The following KIT variants were observed in gnomAD, a reference collection of about 807,000 sequenced individuals.
KIT encodes the protein KIT proto-oncogene, receptor tyrosine kinase, also known as mast/stem cell growth factor receptor Kit.
KIT carries 16 observed loss-of-function variants against 105.7 expected under a neutral mutation model. That is an observed-to-expected ratio of 0.15 (90% CI 0.10 to 0.23). The LOEUF is 0.23. KIT is among the 10% of genes least tolerant of loss of function. KIT has a pLI of 1.00. For missense variants in KIT, 858 were observed against 1,213.8 expected (o/e 0.71, Z 4.36); for synonymous variants, 438 against 441.1 (o/e 0.99, Z 0.09).
intron 8 of KIT, 65 bp from the exon 9 acceptor site, chr4:54,725,792 C>T (rs2109767332): frequency 1.4e-6 from 2 of 1,406,398 alleles, no homozygotes; most frequent in East Asian, 2.4e-5. Flanking sequence ...TGCCACATCC[C>T]AAGTGTTTTA....
At chr4:54,698,926 T>G (rs1236713776) in intron 3 of KIT, among the ~76,000 whole-genome samples, 2 of 152,262 alleles carry the variant, frequency 1.3e-5, no homozygotes, top group Non-Finnish European at 2.9e-5. Context: ...TGATTCATTC[T>G]TTGATTTACT....
intron 1 of KIT, among the ~76,000 whole-genome samples, chr4:54,669,447 G>A (rs1717950386): frequency 6.6e-6 from 1 of 152,244 alleles, no homozygotes; most frequent in Non-Finnish European, 1.5e-5. Flanking sequence ...CGCCATACTG[G>A]CCACTGGGAA....
intron 1 of KIT, among the ~76,000 whole-genome samples, chr4:54,664,766 C>T (rs1394525859): frequency 6.6e-6 from 1 of 151,852 alleles, no homozygotes; most frequent in African/African-American, 2.4e-5. Flanking sequence ...TGCCACCACA[C>T]CGGCTAATTT....
intron 4 of KIT, among the ~76,000 whole-genome samples, chr4:54,702,672 C>A (rs1456312171): frequency 6.6e-6 from 1 of 152,050 alleles, no homozygotes; most frequent in African/African-American, 2.4e-5. Flanking sequence ...TGAGTTTTTA[C>A]CACAACCAAC....
intron 15 of KIT, 42 bp downstream of exon 15, chr4:54,731,461 A>G (rs779279594): frequency 5.5e-6 from 7 of 1,263,646 alleles, no homozygotes; most frequent in Non-Finnish European, 2.3e-6. Flanking sequence ...AACTTTACAG[A>G]GAGTATGTAT....
Position 54,695,590 on chromosome 4 carries a change from G to C in KIT, c.146G>C (p.Arg49Pro), listed in dbSNP as rs376469897. The change falls in exon 2 of 21, where the codon CGC becomes CCC. Residue 49 changes from arginine to proline, a missense_variant. This residue lies in a region of KIT where 401 missense variants were observed against 601.0 expected (regional missense o/e 0.67). Coordinates refer to ENST00000288135, the MANE Select transcript of KIT (RefSeq NM_000222.3). ...CCAGGAAAATCAGACTTAATAGTCC[G>C]CGTGGGCGACGAGATTAGGCTGTTA... ...IHPGKSDLIV[R>P]VGDEIRLLCT... 6 of 1,614,206 alleles carry C rather than the reference G, an allele frequency of 3.7e-6. No individual in the cohort carries two copies. The highest frequency in any genetic ancestry group is 5.1e-6 in the Non-Finnish European group (6 of 1,180,036).
chr4:54,680,092 G>A (rs1023284502), intron 1 of KIT, among the ~76,000 whole-genome samples: 1 of 152,114 alleles, frequency 6.6e-6, no homozygotes, highest in African/African-American at 2.4e-5. Flanking sequence ...GGTGATGGCC[G>A]TACAACAATG....
intron 1 of KIT, among the ~76,000 whole-genome samples, chr4:54,687,670 C>G (rs1577941410): frequency 6.6e-6 from 1 of 151,984 alleles, no homozygotes; most frequent in East Asian, 1.9e-4. Flanking sequence ...GTTGGGGTCC[C>G]CATAGGACTA....
rs751935050 is a variant in KIT, at chr4:54,662,793, G to A, written c.67+4712G>A. Among the ~76,000 whole-genome samples the A allele has an allele frequency of 3.3e-5, 5 of 152,004 alleles. No individual in the cohort carries two copies. In the East Asian group the frequency reaches 5.8e-4, roughly 18 times the overall value. ...TCACCATGTTGGCCTGGCTGGTCTC[G>A]AACCCCTGACCTCAGGTGATCTACC... On this transcript the variant is annotated intron_variant, in intron 1 of 20. Coordinates refer to ENST00000288135, the MANE Select transcript of KIT (RefSeq NM_000222.3).
At chr4:54,712,313 T>A (rs967342055) in intron 7 of KIT, among the ~76,000 whole-genome samples, 4 of 152,210 alleles carry the variant, frequency 2.6e-5, no homozygotes, top group Non-Finnish European at 4.4e-5. Flanking sequence ...GTCAAATTGC[T>A]CCTCCTCAGT....
rs2109779603 is a variant in KIT, at chr4:54,727,857, T to A, written c.1809T>A (p.Val603=). Residue 603 remains valine, a synonymous_variant, in exon 12 of 21, where the codon GTT becomes GTA. Coordinates refer to ENST00000288135, the MANE Select transcript of KIT (RefSeq NM_000222.3). ...KTLGAGAFGK[V]VEATAYGLIK... Reference sequence around the variant, plus strand: ...TGGGTGCTGGAGCTTTCGGGAAGGTTGTTGAGGCAACTGCTTATGGCTTAA... The same window carrying A: ...TGGGTGCTGGAGCTTTCGGGAAGGTAGTTGAGGCAACTGCTTATGGCTTAA... 1 of 1,613,566 alleles carries A rather than the reference T, an allele frequency of 6.2e-7. No individual in the cohort carries two copies. The highest frequency in any genetic ancestry group is 1.1e-5 in the South Asian group (1 of 91,042).
At chr4:54,667,609 G>A (rs1298896232) in intron 1 of KIT, among the ~76,000 whole-genome samples, 1 of 152,206 alleles carries the variant, frequency 6.6e-6, no homozygotes, top group African/African-American at 2.4e-5. Flanking sequence ...GTTAGAGTTA[G>A]CCGGAAGGCT....
At chr4:54,696,751 T>C (rs1720097217) in intron 2 of KIT, among the ~76,000 whole-genome samples, 1 of 152,368 alleles carries the variant, frequency 6.6e-6, no homozygotes, top group South Asian at 2.1e-4. Flanking sequence ...TAAAGCTGAC[T>C]CTAAAGTTTG....
chr4:54,699,932 A>G (rs1465816405), intron 4 of KIT, among the ~76,000 whole-genome samples, 166 bp downstream of exon 4: 1 of 152,144 alleles, frequency 6.6e-6, no homozygotes, highest in Admixed American at 6.5e-5. Context: ...ATACCTCCAC[A>G]TGGAGATATA....
chr4:54,690,047 CT>C (rs200043342), intron 1 of KIT, among the ~76,000 whole-genome samples: 7 of 114,702 alleles, frequency 6.1e-5, no homozygotes, highest in African/African-American at 1.7e-4. Context: ...TAGAATGTTA[CT>C]TTTTTTTTGT....
At chr4:54,730,404 A>AC (rs1416000576) in intron 14 of KIT, among the ~76,000 whole-genome samples, 1 of 152,152 alleles carries the variant, frequency 6.6e-6, no homozygotes, top group Non-Finnish European at 1.5e-5. Context: ...AATATTATTG[A>AC]TGGGCAATTA....
chr4:54,709,359 G>GA (rs1720991903), intron 6 of KIT, 65 bp from the exon 7 acceptor site: 1 of 1,032,100 alleles, frequency 9.7e-7, no homozygotes, highest in African/African-American at 1.6e-5. Context: ...GGTAGAAACT[G>GA]AAAAAGACAT....
rs1723183983 is a variant in KIT at position 54,740,514 on chromosome 4, A to G, written c.*1957A>G. The G allele has an allele frequency of 4.3e-6, 1 of 233,008 alleles. No individual in the cohort carries two copies. Among genetic ancestry groups the G allele is most frequent in the Admixed American group, 5.6e-5 (1 of 17,766 alleles). 14.4% of individuals were successfully genotyped at this position (233,008 alleles called of 1,614,324 possible). On this transcript the variant is annotated 3_prime_UTR_variant, in exon 21 of 21. Coordinates refer to ENST00000288135, the MANE Select transcript of KIT (RefSeq NM_000222.3). The stretch of plus-strand genomic sequence containing the variant: ...TTTGTGGCTTTTTTTGTAAATATTG[A>G]AATGTAGCAATAATGTCTTTTGAAT...
At chr4:54,683,588 ACAC>A (rs1719100643) in intron 1 of KIT, among the ~76,000 whole-genome samples, 2 of 152,252 alleles carry the variant, frequency 1.3e-5, no homozygotes, top group South Asian at 4.1e-4. Flanking sequence ...TATTTAACAG[ACAC>A]CAAACATTTA....
Sources: gnomAD v4.1 joint callset for allele counts (sites outside exome capture counted in the v4.1 genomes callset) on GRCh38, gnomAD v4.1.1 for gene constraint, gnomAD v4.1.1 regional missense constraint, MANE v1.5 for transcripts, NCBI Gene and HGNC (gene_info 2026-07-23, HGNC 2026-07-21) for gene names.